The following TBL1X variants were observed in gnomAD, a reference collection of about 807,000 sequenced individuals.
The protein encoded by TBL1X is transducin beta like 1 X-linked.
Under a neutral mutation model 50.7 loss-of-function variants are expected in TBL1X, and 10 were observed. The observed-to-expected ratio is 0.20, with a 90% confidence interval of 0.12 to 0.33. The LOEUF (loss-of-function observed/expected upper bound fraction) is 0.33. Among genes scored for constraint, TBL1X ranks in the 10% least tolerant of loss-of-function variants. TBL1X has a pLI of 1.00. For synonymous variants in TBL1X, 190 were observed against 214.7 expected, an observed-to-expected ratio of 0.88 and a Z score of 1.01; for missense variants, 340 against 504.4, an observed-to-expected ratio of 0.67 and a Z score of 3.12.
At chrX:9,662,297 C>T (rs1273819932) in intron 5 of TBL1X, among the ~76,000 whole-genome samples, 1 of 111,607 alleles carries the variant, frequency 9.0e-6, no homozygotes, top group Admixed American at 9.5e-5. Context: ...AACACCTCAG[C>T]GGAAGCAACC....
At chrX:9,563,235 T>A (rs1360830490) in intron 2 of TBL1X, among the ~76,000 whole-genome samples, 2 of 112,819 alleles carry the variant, frequency 1.8e-5, no homozygotes, top group East Asian at 5.5e-4. Flanking sequence ...ATGTTACTGT[T>A]CCGTGAGGAA....
chrX:9,677,498 ATAT>A (rs1348268572), intron 5 of TBL1X, among the ~76,000 whole-genome samples: 1 of 110,275 alleles, frequency 9.1e-6, no homozygotes, highest in African/African-American at 3.3e-5. Context: ...TGCCAAAATC[ATAT>A]TATGAAACTC....
At chrX:9,579,595 C>T (rs752008979) in intron 2 of TBL1X, among the ~76,000 whole-genome samples, 4 of 111,717 alleles carry the variant, frequency 3.6e-5, no homozygotes, top group African/African-American at 9.8e-5. Context: ...TTCCTTTACA[C>T]CACAGAGCCT....
At chrX:9,559,807 T>C (rs1466490255) in intron 2 of TBL1X, among the ~76,000 whole-genome samples, 1 of 112,185 alleles carries the variant, frequency 8.9e-6, no homozygotes, top group Non-Finnish European at 1.9e-5. Context: ...ACGAAGTATT[T>C]GAAGTAAAAG....
chrX:9,496,356 G>A (rs1287053067), intron 1 of TBL1X, among the ~76,000 whole-genome samples: 1 of 112,622 alleles, frequency 8.9e-6, no homozygotes, highest in Non-Finnish European at 1.9e-5. Context: ...TGAATATAGG[G>A]GGCTAGGAGT....
chrX:9,578,999 T>C (rs1263903784), intron 2 of TBL1X, among the ~76,000 whole-genome samples: 1 of 111,727 alleles, frequency 9.0e-6, no homozygotes, highest in East Asian at 2.8e-4. Context: ...TAGTGTAAAA[T>C]TTCTTGAAGC....
chrX:9,666,643 T>C (rs1027346810), intron 5 of TBL1X, among the ~76,000 whole-genome samples: 2 of 111,965 alleles, frequency 1.8e-5, no homozygotes, highest in East Asian at 5.6e-4. Flanking sequence ...ATTGTTTGAC[T>C]TGTCTGTTTT....
Position 9,480,764 on chromosome X carries a change from C to A in TBL1X, c.-201+15317C>A, listed in dbSNP as rs931983874. ...CAAAATCTAAATTAAGCCACCCCCC[C>A]CCCCGCCCTTATTTTAATCTGGTTA... On this transcript the variant is annotated intron_variant, in intron 1 of 17. Coordinates refer to ENST00000645353, the MANE Select transcript of TBL1X (RefSeq NM_005647.4). 7.4e-4 allele frequency among the ~76,000 whole-genome samples: 51 copies of A among 68,490 alleles called. No homozygotes were observed. The Admixed American group carries it at 8.1e-3, about 11-fold the overall frequency. 59.5% of individuals were successfully genotyped at this position (68,490 alleles called of 115,157 possible).
chrX:9,488,516 G>C (rs771846399), intron 1 of TBL1X, among the ~76,000 whole-genome samples: 1 of 111,716 alleles, frequency 9.0e-6, no homozygotes, highest in South Asian at 3.7e-4. Context: ...TGATTACATT[G>C]GGCCCATCCG....
intron 2 of TBL1X, among the ~76,000 whole-genome samples, chrX:9,511,268 C>G (rs1317611619): frequency 8.9e-6 from 1 of 112,090 alleles, no homozygotes; most frequent in Admixed American, 9.5e-5. Flanking sequence ...ATTCTTTTCT[C>G]CTGTGCACAT....
intron 5 of TBL1X, among the ~76,000 whole-genome samples, chrX:9,666,213 T>G (rs1027317406): frequency 2.7e-5 from 3 of 111,917 alleles, no homozygotes; most frequent in Non-Finnish European, 5.6e-5. Flanking sequence ...CTATGCCTGC[T>G]TATTAGGCCC....
intron 5 of TBL1X, among the ~76,000 whole-genome samples, chrX:9,675,278 G>T (rs1024669878): frequency 1.3e-4 from 14 of 111,516 alleles, no homozygotes; most frequent in Admixed American, 4.8e-4. Context: ...AGGAGAATGC[G>T]CCATCTTGGT....
chrX:9,627,297 A>G (rs2082697539), intron 2 of TBL1X, among the ~76,000 whole-genome samples: 2 of 112,034 alleles, frequency 1.8e-5, no homozygotes, highest in African/African-American at 6.5e-5. Flanking sequence ...CTCCTCATCT[A>G]TAAATAATAT....
chrX:9,613,199 A>C (rs1254379821), intron 2 of TBL1X, among the ~76,000 whole-genome samples: 1 of 111,367 alleles, frequency 9.0e-6, no homozygotes, highest in Non-Finnish European at 1.9e-5. Context: ...GAAAATGTGC[A>C]TGTGGACTAC....
At chrX:9,694,404 C>T (rs778414850) in intron 11 of TBL1X, among the ~76,000 whole-genome samples, 13 of 110,708 alleles carry the variant, frequency 1.2e-4, no homozygotes, top group African/African-American at 3.6e-4. Flanking sequence ...AGACCAGCCT[C>T]GCCAACACAG....
intron 5 of TBL1X, among the ~76,000 whole-genome samples, chrX:9,655,417 A>G (rs1157543960): frequency 1.8e-5 from 2 of 111,313 alleles, no homozygotes; most frequent in Non-Finnish European, 3.8e-5. Flanking sequence ...GTAAAGACAG[A>G]TTGGATTCGG....
intron 12 of TBL1X, among the ~76,000 whole-genome samples, chrX:9,702,461 C>A (rs201207181): frequency 7.5e-5 from 7 of 93,554 alleles, no homozygotes; most frequent in Non-Finnish European, 1.3e-4. Context: ...AAAAAAAAAA[C>A]TGGGCATGGT....
intron 2 of TBL1X, among the ~76,000 whole-genome samples, chrX:9,545,247 AT>A (rs1309080750): frequency 1.8e-5 from 2 of 110,013 alleles, no homozygotes; most frequent in Middle Eastern, 4.2e-3. Flanking sequence ...TGGTTTGAAA[AT>A]TTTCAAACCC....
intron 5 of TBL1X, among the ~76,000 whole-genome samples, chrX:9,662,149 T>A (rs1306496923): frequency 9.0e-6 from 1 of 111,442 alleles, no homozygotes; most frequent in African/African-American, 3.3e-5. Context: ...CCAGGCTGTG[T>A]GCTGGGCTGA....
Sources: allele counts gnomAD v4.1 joint callset (sites outside exome capture counted in the v4.1 genomes callset), GRCh38; gene constraint gnomAD v4.1.1; transcripts MANE v1.5; gene names NCBI Gene and HGNC (gene_info 2026-07-23, HGNC 2026-07-21).